FOXP4: variants seen among roughly 807,000 people sequenced by gnomAD.
The protein encoded by FOXP4 is forkhead box P4, also known as forkhead box protein P4.
In FOXP4, 25 loss-of-function variants were observed where a neutral mutation model predicts 82.6. That is an observed-to-expected ratio of 0.30 (90% confidence interval 0.22 to 0.42). The LOEUF is 0.42. Among genes scored for constraint, FOXP4 ranks in the 10% least tolerant of loss-of-function variants. The probability of loss-of-function intolerance (pLI) is 1.00; values close to 1 mark genes in which losing one functional copy is unlikely to be tolerated. For missense variants in FOXP4, 785 were observed against 900.9 expected (o/e 0.87, Z 1.65); for synonymous variants, 415 against 388.2 (o/e 1.07, Z -0.81).
chr6:41,559,834 A>G (rs1764467049), intron 1 of FOXP4, among the ~76,000 whole-genome samples: 1 of 152,220 alleles, frequency 6.6e-6, no homozygotes, highest in Non-Finnish European at 1.5e-5. Context: ...TCTTAGAAAT[A>G]CAGATTCCCA....
intron 3 of FOXP4, among the ~76,000 whole-genome samples, chr6:41,581,301 C>T (rs968671615): frequency 2.0e-5 from 3 of 152,172 alleles, no homozygotes; most frequent in African/African-American, 7.2e-5. Flanking sequence ...AAATTGCATT[C>T]GTTCCCACTC....
rs1276798532 is a variant in FOXP4, at chr6:41,599,564, C to T, written c.*628C>T. 2 of 152,456 alleles carry T rather than the reference C, an allele frequency of 1.3e-5. No individual in the cohort carries two copies. The highest frequency in any genetic ancestry group is 4.8e-5 in the African/African-American group (2 of 41,436). The allele number at this position is 152,456 out of a possible 1,614,324, so 9.4% of individuals were successfully genotyped here. ...GGTCCGTGTGAGCAGGCCCACCTGG[C>T]TCCAGACCCGCCCCCAACCTGAGAC... On this transcript the variant is annotated 3_prime_UTR_variant, in exon 17 of 17. Coordinates refer to ENST00000307972, the MANE Select transcript of FOXP4 (RefSeq NM_001012426.2).
chr6:41,586,906 G>A, intron 5 of FOXP4, 103 bp from the exon 6 acceptor site: 1 of 1,450,998 alleles, frequency 6.9e-7, no homozygotes, highest in East Asian at 2.4e-5. Flanking sequence ...CAGCTCCAGG[G>A]GCTGACAGGC....
At chr6:41,550,249 A>G (rs768911652) in intron 1 of FOXP4, among the ~76,000 whole-genome samples, 7 of 152,054 alleles carry the variant, frequency 4.6e-5, no homozygotes, top group South Asian at 2.1e-4. Flanking sequence ...TCGAACCTCA[A>G]TTTTCTTACA....
chr6:41,549,308 C>T (rs1472393540), intron 1 of FOXP4, among the ~76,000 whole-genome samples: 2 of 152,124 alleles, frequency 1.3e-5, no homozygotes, highest in Non-Finnish European at 2.9e-5. Context: ...AAAGACCTGA[C>T]CCCAGTGCTG....
chr6:41,591,220 G>A lies in FOXP4; in HGVS notation c.1435-1G>A. Reference sequence around the variant, plus strand: ...TCCCTTTGCTTGTTCCTTCCCCGCAGGCCATCCTGGAAACCCCTGACAGGC... The same window carrying A: ...TCCCTTTGCTTGTTCCTTCCCCGCAAGCCATCCTGGAAACCCCTGACAGGC... On this transcript the variant is annotated splice_acceptor_variant, in intron 12 of 16. Coordinates refer to ENST00000307972, the MANE Select transcript of FOXP4 (RefSeq NM_001012426.2). LOFTEE classifies it high-confidence loss of function. This position sits in a 1 kb window ranked among gnomAD's most constrained non-coding sequence, Gnocchi z 4.2. 6.2e-7 allele frequency: 1 copy of A among 1,606,406 alleles called. No homozygotes were observed. Among genetic ancestry groups the A allele is most frequent in the Non-Finnish European group, 8.5e-7 (1 of 1,176,318 alleles).
rs1321031606 is a variant in FOXP4, at chr6:41,601,996, CTT to C, written c.*3062_*3063del. ...TGGGAGAAGGACCTGGAGGGTGAGT[CTT>C]TGCTGACCTCTCTCTACTCTCAGGC... On this transcript the variant is annotated 3_prime_UTR_variant, in exon 17 of 17. Transcript: ENST00000307972. 1 of 152,250 alleles carries C rather than the reference CTT, an allele frequency of 6.6e-6. No individual in the cohort carries two copies. The highest frequency in any genetic ancestry group is 1.5e-5 in the Non-Finnish European group (1 of 68,064). 9.4% of individuals were successfully genotyped at this position (152,250 alleles called of 1,614,324 possible).
chr6:41,555,355 T>A (rs1237180703), intron 1 of FOXP4, among the ~76,000 whole-genome samples: 3 of 152,198 alleles, frequency 2.0e-5, no homozygotes, highest in Non-Finnish European at 4.4e-5. Flanking sequence ...GGGGCCTGTT[T>A]CAAGATGAAA....
At chr6:41,569,668 G>A (rs1193136298) in intron 2 of FOXP4, among the ~76,000 whole-genome samples, 6 of 152,216 alleles carry the variant, frequency 3.9e-5, no homozygotes, top group South Asian at 2.1e-4. Context: ...AGCCGCTGGC[G>A]GCGGTGCTGA....
chr6:41,553,069 C>T (rs1014559257), intron 1 of FOXP4, among the ~76,000 whole-genome samples: 1 of 152,172 alleles, frequency 6.6e-6, no homozygotes, highest in African/African-American at 2.4e-5. Context: ...AACGTACACC[C>T]TCTTTGTTCC....
At position 41,585,546 on chromosome 6, in the gene FOXP4, G is replaced by A. The variant is rs372409585; in HGVS notation, c.510+29G>A. The A allele has an allele frequency of 8.6e-5, 138 of 1,600,946 alleles. 1 individual carries two copies. In the African/African-American group the frequency reaches 1.6e-3, roughly 18 times the overall value. On this transcript the variant is annotated intron_variant, in intron 5 of 16. Coordinates refer to ENST00000307972, the MANE Select transcript of FOXP4 (RefSeq NM_001012426.2). ...AGGGGCTGTACCAGGGCCCACCACC[G>A]CCCTCACCCCCTGCCCAGAGCTGGG...
rs1164348790 is a variant in FOXP4, at chr6:41,591,174, C to T, written c.1435-47C>T. Reference sequence around the variant, plus strand: ...GGGGAGGGAACCCAGGGCTGTGACCCTTCGAGGCCCAGGCTGACGGTCCCT... The same window carrying T: ...GGGGAGGGAACCCAGGGCTGTGACCTTTCGAGGCCCAGGCTGACGGTCCCT... On this transcript the variant is annotated intron_variant, in intron 12 of 16. Transcript: ENST00000307972. This position sits in a 1 kb window ranked among gnomAD's most constrained non-coding sequence, Gnocchi z 4.2. 6.6e-7 allele frequency: 1 copy of T among 1,525,392 alleles called. No homozygotes were observed. The allele number at this position is 1,525,392 out of a possible 1,614,324, so 94.5% of individuals were successfully genotyped here.
intron 1 of FOXP4, among the ~76,000 whole-genome samples, chr6:41,563,919 A>G (rs1581719777): frequency 6.6e-6 from 1 of 152,332 alleles, no homozygotes; most frequent in African/African-American, 2.4e-5. Flanking sequence ...AGGCTTGAGC[A>G]TCTGGAAATT....
At chr6:41,589,598 A>G (rs1173376556) in intron 9 of FOXP4, among the ~76,000 whole-genome samples, 173 bp from the exon 10 acceptor site, 2 of 152,074 alleles carry the variant, frequency 1.3e-5, no homozygotes, top group African/African-American at 4.8e-5. Context: ...GGGGTAGAGC[A>G]TTGCTGAGGC....
chr6:41,562,487 A>G (rs976697743), intron 1 of FOXP4, among the ~76,000 whole-genome samples: 5 of 152,020 alleles, frequency 3.3e-5, no homozygotes, highest in African/African-American at 9.7e-5. Context: ...GTTACTCTGT[A>G]TGCCCCCCCC....
intron 1 of FOXP4, among the ~76,000 whole-genome samples, chr6:41,561,467 A>G (rs1371508391): frequency 6.6e-6 from 1 of 152,176 alleles, no homozygotes; most frequent in East Asian, 1.9e-4. Flanking sequence ...TGACTTGCCC[A>G]AGGTCACACA....
Position 41,554,870 on chromosome 6 carries a change from A to G in FOXP4, c.-17+8003A>G, listed in dbSNP as rs533742016. 3.3e-5 allele frequency among the ~76,000 whole-genome samples: 5 copies of G among 152,130 alleles called. No homozygotes were observed. The South Asian group carries it at 1.0e-3, about 32-fold the overall frequency. The stretch of plus-strand genomic sequence containing the variant: ...ATGAGACTCTGCCTCCAAAAAAAAA[A>G]AAGACTGCAGGGTCTGTACAAGAAG... On this transcript the variant is annotated intron_variant, in intron 1 of 16. Coordinates refer to ENST00000307972, the MANE Select transcript of FOXP4 (RefSeq NM_001012426.2).
intron 8 of FOXP4, among the ~76,000 whole-genome samples, chr6:41,588,214 A>C (rs1184843899): frequency 6.6e-6 from 1 of 151,894 alleles, no homozygotes. Context: ...AGCCCCGGGG[A>C]GTGATGGCGA....
At chr6:41,547,268 C>T (rs1763690232) in intron 1 of FOXP4, among the ~76,000 whole-genome samples, 1 of 152,048 alleles carries the variant, frequency 6.6e-6, no homozygotes, top group African/African-American at 2.4e-5. Flanking sequence ...CCCCGCCGGG[C>T]CTCTGGGAAT....
Sources: allele counts gnomAD v4.1 joint callset (sites outside exome capture counted in the v4.1 genomes callset), GRCh38; gene constraint gnomAD v4.1.1; non-coding constraint Gnocchi (gnomAD v3.1); transcripts MANE v1.5; gene names NCBI Gene and HGNC (gene_info 2026-07-23, HGNC 2026-07-21).